The following AUTS2 variants were observed in gnomAD, a reference collection of about 807,000 sequenced individuals.
The protein encoded by AUTS2 is activator of transcription and developmental regulator AUTS2, also known as autism susceptibility gene 2 protein.
AUTS2 carries 17 observed loss-of-function variants against 112.4 expected under a neutral mutation model. The observed-to-expected ratio is 0.15, with a 90% CI of 0.10 to 0.23. The LOEUF (loss-of-function observed/expected upper bound fraction) is 0.23, where lower values mean the gene tolerates loss of function less well. Ranked by LOEUF, AUTS2 falls within the 10% of genes least tolerant of loss-of-function variation. AUTS2 has a pLI of 1.00. For synonymous variants in AUTS2, 751 were observed against 702.7 expected (o/e 1.07, Z -1.09); for missense variants, 1,510 against 1,701.6 (o/e 0.89, Z 1.98).
intron 1 of AUTS2, among the ~76,000 whole-genome samples, chr7:69,666,503 C>T (rs901262590): frequency 6.6e-6 from 1 of 152,138 alleles, no homozygotes; most frequent in Non-Finnish European, 1.5e-5. Context: ...AAACAGAAAA[C>T]CTACTTACTT....
chr7:70,279,457 A>C (rs1316983868), intron 4 of AUTS2, among the ~76,000 whole-genome samples: 1 of 152,174 alleles, frequency 6.6e-6, no homozygotes, highest in Non-Finnish European at 1.5e-5. Context: ...GCAAGAAATG[A>C]GTGGGTAGTA....
chr7:69,849,938 A>T (rs547214111), intron 1 of AUTS2, among the ~76,000 whole-genome samples: 6 of 152,038 alleles, frequency 3.9e-5, no homozygotes, highest in Admixed American at 6.6e-5. Flanking sequence ...GTAAATTTTC[A>T]TTTCTGTGGG....
intron 4 of AUTS2, among the ~76,000 whole-genome samples, chr7:70,362,144 C>T (rs1323133673): frequency 6.6e-6 from 1 of 152,192 alleles, no homozygotes; most frequent in Non-Finnish European, 1.5e-5. Flanking sequence ...TTACTACTTC[C>T]ATCAGCAGGA....
intron 1 of AUTS2, among the ~76,000 whole-genome samples, chr7:69,861,893 A>T (rs1368899375): frequency 6.6e-6 from 1 of 152,062 alleles, no homozygotes; most frequent in Non-Finnish European, 1.5e-5. Context: ...ACTTTTGGTG[A>T]TGGAGTTGGT....
intron 2 of AUTS2, among the ~76,000 whole-genome samples, chr7:69,972,903 T>G (rs1251011747): frequency 6.6e-6 from 1 of 152,200 alleles, no homozygotes; most frequent in Non-Finnish European, 1.5e-5. Flanking sequence ...AGCTATTCTT[T>G]TTCAAAATTG....
chr7:69,900,803 G>C (rs567914832), intron 2 of AUTS2, among the ~76,000 whole-genome samples: 31 of 152,306 alleles, frequency 2.0e-4, no homozygotes, highest in African/African-American at 7.5e-4. Flanking sequence ...CTGACAACCA[G>C]CACAGTGTTT....
At position 69,922,468 on chromosome 7, in the gene AUTS2, C is replaced by G. The variant is rs185195919; in HGVS notation, c.522+22970C>G. On this transcript the variant is annotated intron_variant, in intron 2 of 18. Transcript: ENST00000342771. ...CTTAAGCTTCGCTGCTTTCTTAGCA[C>G]TTTTACTGTATAGGCCCTGGTATGT... is the stretch of plus-strand genomic sequence containing the variant. Among the ~76,000 whole-genome samples, 16 of 152,332 alleles carry G rather than the reference C, an allele frequency of 1.1e-4. 1 individual carries two copies. The highest frequency in any genetic ancestry group is 4.1e-4 in the South Asian group (2 of 4,822).
At chr7:70,646,946 C>T (rs551031179) in intron 5 of AUTS2, among the ~76,000 whole-genome samples, 30 of 152,314 alleles carry the variant, frequency 2.0e-4, no homozygotes, top group African/African-American at 7.0e-4. Context: ...GCTCATCATT[C>T]CAGGCTGGCT....
At chr7:70,400,147 T>C (rs1481074265) in intron 4 of AUTS2, among the ~76,000 whole-genome samples, 1 of 151,960 alleles carries the variant, frequency 6.6e-6, no homozygotes, top group Non-Finnish European at 1.5e-5. Context: ...TAACTATACC[T>C]GTAGCAAATA....
chr7:70,659,486 C>A (rs1806952542), intron 5 of AUTS2, among the ~76,000 whole-genome samples: 1 of 152,180 alleles, frequency 6.6e-6, no homozygotes, highest in Non-Finnish European at 1.5e-5. Flanking sequence ...TGTGTCACTT[C>A]CTGGCCATGT....
chr7:70,284,061 T>C (rs897632727), intron 4 of AUTS2, among the ~76,000 whole-genome samples: 2 of 152,324 alleles, frequency 1.3e-5, no homozygotes, highest in African/African-American at 4.8e-5. Context: ...TGTTTTGTCA[T>C]TATAAAATTT....
intron 1 of AUTS2, among the ~76,000 whole-genome samples, chr7:69,713,238 C>G (rs1214466548): frequency 1.3e-5 from 2 of 152,158 alleles, no homozygotes; most frequent in Non-Finnish European, 2.9e-5. Context: ...TTTGTGACAA[C>G]ATTGAAAATT....
At chr7:69,949,896 T>C (rs1485392962) in intron 2 of AUTS2, among the ~76,000 whole-genome samples, 1 of 152,190 alleles carries the variant, frequency 6.6e-6, no homozygotes, top group Admixed American at 6.5e-5. Flanking sequence ...AATAGATATT[T>C]GTTAAATTGA....
intron 5 of AUTS2, among the ~76,000 whole-genome samples, chr7:70,529,508 T>C (rs1022257704): frequency 6.6e-6 from 1 of 152,238 alleles, no homozygotes; most frequent in Non-Finnish European, 1.5e-5. Flanking sequence ...GCTCTTTCTA[T>C]GGCAAAGTGC....
chr7:70,584,628 G>A (rs546306715), intron 5 of AUTS2, among the ~76,000 whole-genome samples: 1 of 152,246 alleles, frequency 6.6e-6, no homozygotes, highest in African/African-American at 2.4e-5. Flanking sequence ...CAGCGAACTT[G>A]AGCCAGCCCT....
At chr7:70,025,070 A>G (rs745645147) in intron 2 of AUTS2, among the ~76,000 whole-genome samples, 16 of 152,230 alleles carry the variant, frequency 1.1e-4, no homozygotes, top group South Asian at 2.1e-4. Context: ...AAATGAGGTT[A>G]TGGGACAGCA....
At chr7:70,751,956 C>A (rs964425448) in intron 6 of AUTS2, among the ~76,000 whole-genome samples, 1 of 151,916 alleles carries the variant, frequency 6.6e-6, no homozygotes, top group African/African-American at 2.4e-5. Context: ...AACTCTGGAC[C>A]TCAAGTGATC....
intron 6 of AUTS2, among the ~76,000 whole-genome samples, chr7:70,760,571 A>C (rs1563178430): frequency 6.6e-6 from 1 of 152,240 alleles, no homozygotes; most frequent in African/African-American, 2.4e-5. Flanking sequence ...GTGAAAGAAA[A>C]ATATGGGAAA....
chr7:70,598,680 C>G (rs1803319363), intron 5 of AUTS2, among the ~76,000 whole-genome samples: 6 of 152,238 alleles, frequency 3.9e-5, no homozygotes, highest in Admixed American at 3.9e-4. Context: ...AGCCTACCCC[C>G]AGATTCTCTT....
Sources: gnomAD v4.1 joint callset for allele counts (sites outside exome capture counted in the v4.1 genomes callset) on GRCh38, gnomAD v4.1.1 for gene constraint, MANE v1.5 for transcripts, NCBI Gene and HGNC (gene_info 2026-07-23, HGNC 2026-07-21) for gene names.